The following RIOX2 variants were observed in gnomAD, a reference collection of about 807,000 sequenced individuals.
The protein encoded by RIOX2 is ribosomal oxygenase 2.
RIOX2 carries 43 observed loss-of-function variants against 51.2 expected under a neutral mutation model. The ratio of observed to expected loss-of-function variants is 0.84; its 90% CI spans 0.66 to 1.08. The LOEUF is 1.08. Ranked by LOEUF, RIOX2 falls within the 50% of genes least tolerant of loss-of-function variation. The probability of loss-of-function intolerance (pLI) is 0.00; values close to 1 mark genes in which losing one functional copy is unlikely to be tolerated. For synonymous variants in RIOX2, 226 were observed against 218.5 expected, an observed-to-expected ratio of 1.03 and a Z score of -0.30; for missense variants, 566 against 561.7, an observed-to-expected ratio of 1.01 and a Z score of -0.08.
In RIOX2 at chr3:97,961,834, C is replaced by G. The variant is rs559502255; in HGVS notation, c.433-126G>C. The G allele has an allele frequency of 6.1e-5, 63 of 1,040,350 alleles. 1 individual carries two copies. In the African/African-American group the frequency reaches 7.6e-4, roughly 13 times the overall value. 64.4% of individuals were successfully genotyped at this position (1,040,350 alleles called of 1,614,324 possible). A position where few individuals can be genotyped will look rare whatever the true frequency, so the allele number is the denominator to read the frequency against. Reference sequence around the variant, plus strand: ...CTGCACAACTATTATACACCAGATACTGGGAATTATGCAATGATACAGCCA... The same window carrying G: ...CTGCACAACTATTATACACCAGATAGTGGGAATTATGCAATGATACAGCCA... On this transcript the variant is annotated intron_variant, in intron 2 of 9. Coordinates refer to ENST00000394198, the MANE Select transcript of RIOX2 (RefSeq NM_153182.4).
intron 3 of RIOX2, 82 bp from the exon 4 acceptor site, chr3:97,959,261 A>T: frequency 2.6e-5 from 35 of 1,367,416 alleles, no homozygotes; most frequent in Non-Finnish European, 3.0e-5. Flanking sequence ...TTAGCCCTCT[A>T]AGGGGCTAAT....
intron 9 of RIOX2, 130 bp downstream of exon 9, chr3:97,945,668 G>A (rs578000077): frequency 1.6e-5 from 11 of 697,532 alleles, no homozygotes; most frequent in Admixed American, 1.1e-4. Context: ...GGAGCTCTGT[G>A]AGTAGTGCAA....
chr3:97,947,345 C>T lies in RIOX2; in HGVS notation c.1149+16G>A, dbSNP rs756994410. On this transcript the variant is annotated intron_variant, in intron 8 of 9. Transcript: ENST00000394198. ...ACCCTGAGAAGACAGGAAATCTCCT[C>T]CTCTTGGATACTCACAGATTGATCT... is the stretch of plus-strand genomic sequence containing the variant. The T allele has an allele frequency of 1.2e-6, 2 of 1,601,266 alleles. No individual in the cohort carries two copies. Among genetic ancestry groups the T allele is most frequent in the Admixed American group, 3.3e-5 (2 of 59,814 alleles).
chr3:97,945,655 G>T, intron 9 of RIOX2, 143 bp downstream of exon 9: 1 of 659,744 alleles, frequency 1.5e-6, no homozygotes. Context: ...TCATCCCCAT[G>T]CAGGAGCTCT....
Position 97,945,297 on chromosome 3 carries a change from G to T in RIOX2, c.1285C>A (p.Gln429Lys), listed in dbSNP as rs368080387. ...FPLSHLDALK[Q>K]IWNSPAISVK... The stretch of plus-strand genomic sequence containing the variant: ...GAAATAGCTGGACTATTCCAAATTT[G>T]CTTCAGTGCATCCAAATGTGACAAA... The change falls in exon 10 of 10, where the codon CAA becomes AAA. Residue 429 changes from glutamine (Q) to lysine (K), a missense_variant. Transcript: ENST00000394198. The T allele has an allele frequency of 1.2e-6, 2 of 1,612,230 alleles. No homozygotes were observed. The highest frequency in any genetic ancestry group is 1.7e-6 in the Non-Finnish European group (2 of 1,178,880).
chr3:97,963,279 A>ATGCCCGGCTAATTTTTTTCTC (rs1705752607), intron 2 of RIOX2, among the ~76,000 whole-genome samples: 1 of 152,146 alleles, frequency 6.6e-6, no homozygotes, highest in East Asian at 1.9e-4. Context: ...GCATGCTACC[A>ATGCCCGGCTAATTTTTTTCTC]TGCCCGGCTA....
chr3:97,959,939 T>C (rs1269115908), intron 3 of RIOX2, among the ~76,000 whole-genome samples: 1 of 152,234 alleles, frequency 6.6e-6, no homozygotes, highest in Non-Finnish European at 1.5e-5. Context: ...AAATTAACTT[T>C]AGTACATATT....
Position 97,944,602 on chromosome 3 carries a change from C to T in RIOX2, c.*582G>A, listed in dbSNP as rs999048848. The T allele has an allele frequency of 1.3e-5, 2 of 152,116 alleles. No individual in the cohort carries two copies. The highest frequency in any genetic ancestry group is 3.9e-4 in the East Asian group (2 of 5,160). 9.4% of individuals were successfully genotyped at this position (152,116 alleles called of 1,614,324 possible). A position where few individuals can be genotyped will look rare whatever the true frequency, so the allele number is the denominator to read the frequency against. On this transcript the variant is annotated 3_prime_UTR_variant, in exon 10 of 10. Transcript: ENST00000394198. Reference sequence around the variant, plus strand: ...ACTTTAAATACTGGGTTTTTTTCCTCCTTCAATCTCAGGCTTTTCTCCATC... The same window carrying T: ...ACTTTAAATACTGGGTTTTTTTCCTTCTTCAATCTCAGGCTTTTCTCCATC...
At position 97,943,790 on chromosome 3, in the gene RIOX2, A is replaced by AAAT. The variant is rs2040288883; in HGVS notation, c.*1391_*1393dup. 1 of 154,084 alleles carries AAAT rather than the reference A, an allele frequency of 6.5e-6. No individual in the cohort carries two copies. Among genetic ancestry groups the AAAT allele is most frequent in the South Asian group, 2.0e-4 (1 of 4,894 alleles). The allele number at this position is 154,084 out of a possible 1,614,324, so 9.5% of individuals were successfully genotyped here. Reference sequence around the variant, plus strand: ...TGAGTAATTTTTTAGCAACACCTGAAAATATACTAAACTTTCCTAGATAAA... The same window carrying AAAT: ...TGAGTAATTTTTTAGCAACACCTGAAAATAATATACTAAACTTTCCTAGATAAA... On this transcript the variant is annotated 3_prime_UTR_variant, in exon 10 of 10. Coordinates refer to ENST00000394198, the MANE Select transcript of RIOX2 (RefSeq NM_153182.4).
intron 6 of RIOX2, 135 bp from the exon 7 acceptor site, chr3:97,950,150 A>C (rs1705190866): frequency 1.3e-6 from 1 of 767,514 alleles, no homozygotes; most frequent in Admixed American, 2.6e-5. Context: ...GGGAAGGGAC[A>C]ACCTGAGCCC....
Position 97,942,565 on chromosome 3 carries a change from C to A in RIOX2, c.*2619G>T. On this transcript the variant is annotated 3_prime_UTR_variant, in exon 10 of 10. Coordinates refer to ENST00000394198, the MANE Select transcript of RIOX2 (RefSeq NM_153182.4). Reference sequence around the variant, plus strand: ...AAATGTTAAGTCATTTAAAATTATGCTTGAAGAAAATTAAGATAGGCAGTT... The same window carrying A: ...AAATGTTAAGTCATTTAAAATTATGATTGAAGAAAATTAAGATAGGCAGTT... 2.1e-6 allele frequency: 2 copies of A among 950,360 alleles called. No homozygotes were observed. The highest frequency in any genetic ancestry group is 2.5e-5 in the South Asian group (1 of 40,466). 58.9% of individuals were successfully genotyped at this position (950,360 alleles called of 1,614,324 possible).
At chr3:97,967,990 G>A (rs917329327) in intron 1 of RIOX2, among the ~76,000 whole-genome samples, 2 of 152,174 alleles carry the variant, frequency 1.3e-5, no homozygotes, top group African/African-American at 2.4e-5. Context: ...CACTGACACA[G>A]CAAAGTCAAA....
intron 2 of RIOX2, among the ~76,000 whole-genome samples, chr3:97,963,273 G>A (rs979000962): frequency 2.0e-5 from 3 of 152,152 alleles, no homozygotes; most frequent in Non-Finnish European, 4.4e-5. Context: ...GCAGGTGCAT[G>A]CTACCATGCC....
At chr3:97,949,317 A>C (rs1705144329) in intron 7 of RIOX2, among the ~76,000 whole-genome samples, 1 of 152,092 alleles carries the variant, frequency 6.6e-6, no homozygotes, top group African/African-American at 2.4e-5. Flanking sequence ...TGTGTTCTGC[A>C]AATGCCAGCT....
At position 97,944,129 on chromosome 3, in the gene RIOX2, CAA is replaced by C. The variant is rs768382401; in HGVS notation, c.*1053_*1054del. 2.0e-5 allele frequency: 3 copies of C among 148,572 alleles called. No homozygotes were observed. Among genetic ancestry groups the C allele is most frequent in the Non-Finnish European group, 3.0e-5 (2 of 67,170 alleles). The allele number at this position is 148,572 out of a possible 1,614,324, so 9.2% of individuals were successfully genotyped here. A position where few individuals can be genotyped will look rare whatever the true frequency, so the allele number is the denominator to read the frequency against. On this transcript the variant is annotated 3_prime_UTR_variant, in exon 10 of 10. Coordinates refer to ENST00000394198, the MANE Select transcript of RIOX2 (RefSeq NM_153182.4). ...CATCAATTTTTTTTTTTTTTTGCCTCAAGAGAAATTTCAAATATCCAAATTAA... is the reference window on the plus strand; with the variant it reads ...CATCAATTTTTTTTTTTTTTTGCCTCGAGAAATTTCAAATATCCAAATTAA...
chr3:97,949,889 G>A lies in RIOX2; in HGVS notation c.1015C>T (p.Leu339Phe). The change falls in exon 7 of 10, where the codon CTC becomes TTC. Residue 339 changes from leucine (L) to phenylalanine (F), a missense_variant. By Grantham distance (22) the Leu-to-Phe change is conservative. Coordinates refer to ENST00000394198, the MANE Select transcript of RIOX2 (RefSeq NM_153182.4). The part of the protein sequence containing the change: ...DMKKDFIMHR[L>F]PPYSAGDGAE... ...CCATCTCCCGCAGAGTAAGGGGGGA[G>A]TCTGTGCATAATAAAATCCTTCTTC... 1 of 1,613,840 alleles carries A rather than the reference G, an allele frequency of 6.2e-7. No homozygotes were observed.
At chr3:97,966,609 C>T (rs1402248684) in intron 2 of RIOX2, among the ~76,000 whole-genome samples, 1 of 152,216 alleles carries the variant, frequency 6.6e-6, no homozygotes. Flanking sequence ...TGAAGCCTTA[C>T]CAGGAGCAGT....
At chr3:97,955,154 C>T (rs868850017) in intron 4 of RIOX2, among the ~76,000 whole-genome samples, 1 of 152,044 alleles carries the variant, frequency 6.6e-6, no homozygotes, top group African/African-American at 2.4e-5. Context: ...CAGAGCCTAC[C>T]CTAGCAAAGC....
rs143209673 is a variant in RIOX2, at chr3:97,967,351, G to A, written c.243C>T (p.Phe81=). Residue 81 remains phenylalanine, a synonymous_variant, in exon 2 of 10, where the codon TTC becomes TTT. Coordinates refer to ENST00000394198, the MANE Select transcript of RIOX2 (RefSeq NM_153182.4). ...PALATYYGSL[F]KLTDLKSLCS... is the part of the protein sequence containing the mutation. Reference sequence around the variant, plus strand: ...ACAGACTCTTCAGATCTGTTAGCTTGAACAGGGACCCATAGTATGTGGCCA... The same window carrying A: ...ACAGACTCTTCAGATCTGTTAGCTTAAACAGGGACCCATAGTATGTGGCCA... The A allele has an allele frequency of 1.5e-5, 24 of 1,614,014 alleles. No homozygotes were observed. In the African/African-American group the frequency reaches 3.2e-4, roughly 22 times the overall value.
Sources: allele counts gnomAD v4.1 joint callset (sites outside exome capture counted in the v4.1 genomes callset), GRCh38; gene constraint gnomAD v4.1.1; transcripts MANE v1.5; gene names NCBI Gene and HGNC (gene_info 2026-07-23, HGNC 2026-07-21).